The following EFHB variants were observed in gnomAD, a reference collection of about 807,000 sequenced individuals.
The protein encoded by EFHB is EF-hand domain-containing family member B.
In EFHB, 91 loss-of-function variants were observed where a neutral mutation model predicts 87.2. That is an observed-to-expected ratio of 1.04 (90% CI 0.88 to 1.24). The LOEUF is 1.24. EFHB is among the 50% of genes most tolerant of loss of function. The pLI is 0.00. For missense variants in EFHB, 1,084 were observed against 998.8 expected, an observed-to-expected ratio of 1.09 and a Z score of -1.15; for synonymous variants, 325 against 333.6, an observed-to-expected ratio of 0.97 and a Z score of 0.28.
intron 1 of EFHB, chr3:19,941,269 C>A: frequency 3.6e-6 from 1 of 280,226 alleles, no homozygotes; most frequent in South Asian, 5.3e-5. Flanking sequence ...GCATTCAGTT[C>A]TTCAAATAGG....
chr3:19,899,393 G>T, intron 7 of EFHB, 39 bp downstream of exon 7: 1 of 1,451,918 alleles, frequency 6.9e-7, no homozygotes, highest in Non-Finnish European at 9.4e-7. Context: ...TAAATTCTAT[G>T]CAAAGAAACT....
chr3:19,924,845 C>T (rs895714537), intron 1 of EFHB, among the ~76,000 whole-genome samples: 7 of 151,962 alleles, frequency 4.6e-5, no homozygotes, highest in African/African-American at 1.7e-4. Context: ...ACATTGTGAA[C>T]ATATACCCTA....
At chr3:19,945,844 AC>A (rs1166285256) in intron 1 of EFHB, 2 of 152,218 alleles carry the variant, frequency 1.3e-5, no homozygotes, top group African/African-American at 4.8e-5. Context: ...CGCCGACTGT[AC>A]GCCCATAAGA....
At chr3:19,939,370 C>CTTTTTTTT (rs147510880) in intron 1 of EFHB, among the ~76,000 whole-genome samples, 1,252 of 64,604 alleles carry the variant, frequency 0.019, 191 homozygotes, top group African/African-American at 0.036. Flanking sequence ...GTTGGGTCTC[C>CTTTTTTTT]TTTTTTTTTT....
At chr3:19,907,136 T>C (rs993832286) in intron 5 of EFHB, among the ~76,000 whole-genome samples, 1 of 150,832 alleles carries the variant, frequency 6.6e-6, no homozygotes, top group East Asian at 1.9e-4. Flanking sequence ...GCCTTGGCAA[T>C]GATGTCTTAG....
intron 6 of EFHB, among the ~76,000 whole-genome samples, chr3:19,901,016 T>C (rs2125131995): frequency 6.6e-6 from 1 of 152,262 alleles, no homozygotes. Flanking sequence ...AATCAAAATG[T>C]TCAGTTGTGG....
chr3:19,892,461 T>C (rs77493799), intron 9 of EFHB, among the ~76,000 whole-genome samples: 9,596 of 152,250 alleles, frequency 0.063, 953 homozygotes, highest in African/African-American at 0.21. Flanking sequence ...TTATAAAGAC[T>C]TATTTTGAAA....
At chr3:19,881,243 G>A (rs995593274) in intron 12 of EFHB, among the ~76,000 whole-genome samples, 1 of 152,138 alleles carries the variant, frequency 6.6e-6, no homozygotes, top group African/African-American at 2.4e-5. Context: ...AGTCAGTCTT[G>A]AGCATCCCAG....
upstream of EFHB, chr3:19,934,280 C>A: frequency 7.3e-7 from 1 of 1,368,544 alleles, no homozygotes; most frequent in Non-Finnish European, 9.4e-7. Context: ...TTGGACAGAT[C>A]CCTGCCCATC....
intron 1 of EFHB, among the ~76,000 whole-genome samples, chr3:19,920,874 T>C (rs1237475535): frequency 6.6e-6 from 1 of 152,204 alleles, no homozygotes; most frequent in African/African-American, 2.4e-5. Context: ...CAGAACAATC[T>C]TCTCATAGAT....
chr3:19,939,396 T>TTC (rs1281173283), intron 1 of EFHB, among the ~76,000 whole-genome samples: 7 of 126,232 alleles, frequency 5.5e-5, no homozygotes, highest in Non-Finnish European at 8.4e-5. Flanking sequence ...TTTTTTTTTT[T>TTC]TTTTGGGATG....
intron 10 of EFHB, among the ~76,000 whole-genome samples, chr3:19,888,091 T>C (rs1009783781): frequency 1.8e-4 from 27 of 152,330 alleles, no homozygotes; most frequent in African/African-American, 5.8e-4. Context: ...TTATTGATTC[T>C]TTCCTACACT....
chr3:19,887,259 GCCA>G (rs1694133708), intron 10 of EFHB, among the ~76,000 whole-genome samples: 1 of 151,440 alleles, frequency 6.6e-6, no homozygotes, highest in Admixed American at 6.6e-5. Context: ...GCACACACCT[GCCA>G]TAATCCCAGC....
chr3:19,921,296 G>C (rs1418445594), intron 1 of EFHB, among the ~76,000 whole-genome samples: 1 of 125,566 alleles, frequency 8.0e-6, no homozygotes, highest in Non-Finnish European at 1.9e-5. Flanking sequence ...TCCTTTTAGT[G>C]AGAGAGTCTT....
chr3:19,910,826 T>G (rs1695038409), intron 5 of EFHB, among the ~76,000 whole-genome samples: 1 of 152,216 alleles, frequency 6.6e-6, no homozygotes, highest in Non-Finnish European at 1.5e-5. Flanking sequence ...CAGGGAATTC[T>G]CCCAGATCTT....
upstream of EFHB, among the ~76,000 whole-genome samples, chr3:19,939,093 G>A (rs1044677164): frequency 2.0e-5 from 3 of 151,870 alleles, no homozygotes; most frequent in African/African-American, 7.3e-5. Context: ...TTTCAGTAGA[G>A]ACAGGGTTTC....
At chr3:19,940,603 G>A in intron 1 of EFHB, 2 of 481,728 alleles carry the variant, frequency 4.2e-6, no homozygotes, top group South Asian at 1.5e-5. Context: ...CTCATCTTCA[G>A]CTTTGTACTA....
rs73186659 is a variant in EFHB, at chr3:19,881,864, G to T, written c.2328+686C>A. On this transcript the variant is annotated intron_variant, in intron 12 of 12. Coordinates refer to ENST00000295824, the MANE Select transcript of EFHB (RefSeq NM_144715.4). ...ATACCTGCTTTCCATAAGCACAGAT[G>T]TAGACAGGCTAGTCTAACTGAGCAC... 7.9e-3 allele frequency among the ~76,000 whole-genome samples: 1,196 copies of T among 152,100 alleles called. 11 individuals are homozygous for T. Among genetic ancestry groups the T allele is most frequent in the African/African-American group, 0.025 (1,029 of 41,484 alleles).
upstream of EFHB, among the ~76,000 whole-genome samples, chr3:19,934,455 CTG>C (rs1214643973): frequency 1.3e-4 from 20 of 149,536 alleles, 1 homozygote; most frequent in Admixed American, 1.1e-3. Context: ...CTCTCCCTCT[CTG>C]TGTGTCTCTC....
Sources: allele counts gnomAD v4.1 joint callset (sites outside exome capture counted in the v4.1 genomes callset), GRCh38; gene constraint gnomAD v4.1.1; transcripts MANE v1.5; gene names NCBI Gene and HGNC (gene_info 2026-07-23, HGNC 2026-07-21).